SERINC4: variants seen among roughly 807,000 people sequenced by gnomAD.
The protein encoded by SERINC4 is serine incorporator 4.
Under a neutral mutation model 52.0 loss-of-function variants are expected in SERINC4, and 52 were observed. The observed-to-expected ratio is 1.00, with a 90% CI of 0.80 to 1.26. The LOEUF is 1.26. Ranked by LOEUF, SERINC4 falls within the 50% of genes most tolerant of loss-of-function variation. The pLI is 0.00. For synonymous variants in SERINC4, 264 were observed against 247.7 expected, an observed-to-expected ratio of 1.07 and a Z score of -0.62; for missense variants, 723 against 632.8, an observed-to-expected ratio of 1.14 and a Z score of -1.53.
In SERINC4 at chr15:43,796,622, A is replaced by G; in HGVS notation, c.1061T>C (p.Phe354Ser). ...SASIMYACVLFACNEASYLAE... is the reference protein window; with the variant it reads ...SASIMYACVLSACNEASYLAE... ...CCTTGACACCTTTACGCACCAAGCA[A>G]AAAGCACACAAGCATACATGATGCT... The change falls in exon 8 of 12, where the codon TTT (phenylalanine) becomes TCT (serine). Residue 354 changes from phenylalanine (F) to serine (S), a missense_variant. Phe to Ser is a radical substitution (Grantham distance 155, BLOSUM62 -2). Transcript: ENST00000319327. 2.5e-6 allele frequency: 4 copies of G among 1,614,048 alleles called. No homozygotes were observed. In the Middle Eastern group the frequency reaches 5.0e-4, roughly 200 times the overall value.
chr15:43,796,669 G>T lies in SERINC4; in HGVS notation c.1014C>A (p.Ile338=). Residue 338 remains isoleucine (I), a synonymous_variant, in exon 8 of 12, where the codon ATC becomes ATA. Transcript: ENST00000319327. ...TGCTAGCACTCAGCATTGCTAGAGA[G>T]ATATCTGGTGTTTGGGGTTCCATTT... ...LSKMEPQTPD[I]SLAMLSASIM... is the part of the protein sequence containing the mutation. 1 of 1,614,166 alleles carries T rather than the reference G, an allele frequency of 6.2e-7. No individual in the cohort carries two copies. Among genetic ancestry groups the T allele is most frequent in the Non-Finnish European group, 8.5e-7 (1 of 1,180,008 alleles).
At chr15:43,795,612 T>C in intron 10 of SERINC4, 71 bp from the exon 11 acceptor site, 2 of 1,611,096 alleles carry the variant, frequency 1.2e-6, no homozygotes, top group South Asian at 1.1e-5. Context: ...CAACTACCTT[T>C]GTTAAGGCTC....
chr15:43,799,165 G>T, intron 2 of SERINC4, 28 bp from the exon 3 acceptor site: 1 of 1,541,222 alleles, frequency 6.5e-7, no homozygotes, highest in Non-Finnish European at 8.8e-7. Context: ...AGAAATGGCA[G>T]GACAAGTCAT....
At chr15:43,798,645 A>G in intron 3 of SERINC4, 141 bp from the exon 4 acceptor site, 1 of 684,880 alleles carries the variant, frequency 1.5e-6, no homozygotes, top group Non-Finnish European at 2.6e-6. Context: ...CCAATCCCAA[A>G]TGAGAGGGGG....
At position 43,794,892 on chromosome 15, in the gene SERINC4, G is replaced by A. The variant is rs1056857418; in HGVS notation, c.*108C>T. On this transcript the variant is annotated 3_prime_UTR_variant, in exon 12 of 12. Transcript: ENST00000319327. The stretch of plus-strand genomic sequence containing the variant: ...TCATAGTATTGACTTCAGCCCAAAC[G>A]GAGATAACTCCCTGTGTGTCCTTGA... The A allele has an allele frequency of 2.5e-5, 21 of 831,356 alleles. No individual in the cohort carries two copies. The highest frequency in any genetic ancestry group is 2.4e-5 in the East Asian group (1 of 41,148). The allele number at this position is 831,356 out of a possible 1,614,324, so 51.5% of individuals were successfully genotyped here.
intron 3 of SERINC4, 71 bp downstream of exon 3, chr15:43,798,888 A>G (rs1189241077): frequency 2.1e-6 from 3 of 1,459,224 alleles, no homozygotes; most frequent in South Asian, 1.2e-5. Context: ...TTCATCCCGG[A>G]ATTTCCTTTA....
In SERINC4 at chr15:43,794,928, T is replaced by C; in HGVS notation, c.*72A>G. 1 of 1,194,472 alleles carries C rather than the reference T, an allele frequency of 8.4e-7. No homozygotes were observed. Among genetic ancestry groups the C allele is most frequent in the Non-Finnish European group, 1.2e-6 (1 of 840,750 alleles). The allele number at this position is 1,194,472 out of a possible 1,614,324, so 74.0% of individuals were successfully genotyped here. ...CCTGTGTGTCCTTGAGGTATTGAGC[T>C]GGGCTGGACAGCTCCCCTTGAGCCA... On this transcript the variant is annotated 3_prime_UTR_variant, in exon 12 of 12. Transcript: ENST00000319327.
At position 43,799,443 on chromosome 15, in the gene SERINC4, G is replaced by T. The variant is rs538733011; in HGVS notation, c.146C>A (p.Ser49Tyr). ...GGATGCGGTGAGAGAGGGCCACCTA[G>T]AGTGGCAGCAGCTGGCACAAGGAGC... ...GPAPCASCCH[S>Y]RWPSLTASTC... The change falls in exon 2 of 12, where the codon TCT becomes TAT. Residue 49 changes from serine to tyrosine, a missense_variant. Physicochemically the swap from Ser to Tyr is moderately radical, Grantham distance 144. Transcript: ENST00000319327. 26 of 1,550,630 alleles carry T rather than the reference G, an allele frequency of 1.7e-5. No homozygotes were observed. In the African/African-American group the frequency reaches 3.3e-4, roughly 20 times the overall value.
chr15:43,797,513 C>G, intron 5 of SERINC4, 157 bp from the exon 6 acceptor site: 1 of 606,562 alleles, frequency 1.6e-6, no homozygotes, highest in Non-Finnish European at 2.9e-6. Context: ...CTACCTCAGC[C>G]TCCTGAGTAG....
In SERINC4 at chr15:43,797,166, T is replaced by C. The variant is rs1221316929; in HGVS notation, c.823A>G (p.Ile275Val). Residue 275 changes from isoleucine (I) to valine (V), a missense_variant, in exon 6 of 12, where the codon ATC (isoleucine) becomes GTC (valine). By Grantham distance (29) the Ile-to-Val change is conservative. Transcript: ENST00000319327. ...CFCGLISFLS[I>V]APCIRLKQPR... is the part of the protein sequence containing the mutation. ...CCACTGAGGCGGATGCAAGGAGCGA[T>C]GGAGAGGAAGGAGATGAGGCCACAG... 62 of 1,551,046 alleles carry C rather than the reference T, an allele frequency of 4.0e-5. No individual in the cohort carries two copies. Among genetic ancestry groups the C allele is most frequent in the Non-Finnish European group, 5.2e-5 (60 of 1,147,042 alleles).
intron 4 of SERINC4, 54 bp from the exon 5 acceptor site, chr15:43,798,067 T>G: frequency 1.6e-6 from 2 of 1,215,328 alleles, no homozygotes; most frequent in South Asian, 2.5e-5. Flanking sequence ...TTTTTTTTTT[T>G]GAGACAGAGT....
chr15:43,794,991 G>A lies in SERINC4; in HGVS notation c.*9C>T, dbSNP rs2087169575. On this transcript the variant is annotated 3_prime_UTR_variant, in exon 12 of 12. Transcript: ENST00000319327. ...CAATGTCAGGGGAACCCCAGTTTGT[G>A]AAAAGGACTTAGACTGGAGGATATT... 6.2e-7 allele frequency: 1 copy of A among 1,600,144 alleles called. No homozygotes were observed. The highest frequency in any genetic ancestry group is 1.1e-5 in the South Asian group (1 of 90,424).
At chr15:43,796,338 G>A (rs1325482312) in intron 8 of SERINC4, 111 bp from the exon 9 acceptor site, 1 of 835,744 alleles carries the variant, frequency 1.2e-6, no homozygotes, top group African/African-American at 1.7e-5. Context: ...CATACTCCCT[G>A]TGCCCTTTTC....
chr15:43,797,321 A>G lies in SERINC4; in HGVS notation c.668T>C (p.Leu223Pro), dbSNP rs750698310. The change falls in exon 6 of 12, where the codon CTG becomes CCG. Residue 223 changes from leucine (L) to proline (P), a missense_variant. Transcript: ENST00000319327. ...TGAAQDCSWF[L>P]AVLLATLGFY... ...TCCTAGGGTGGCCAGCAGGACAGCC[A>G]GGAACCAGCTACAGTCTTGAGCTGC... 16 of 1,549,054 alleles carry G rather than the reference A, an allele frequency of 1.0e-5. No individual in the cohort carries two copies. In the South Asian group the frequency reaches 1.5e-4, roughly 15 times the overall value.
chr15:43,795,302 C>A, intron 11 of SERINC4, 86 bp downstream of exon 11: 1 of 1,590,384 alleles, frequency 6.3e-7, no homozygotes, highest in African/African-American at 1.3e-5. Flanking sequence ...ATGGCAGACC[C>A]ATGTGTGTCT....
At chr15:43,796,110 G>T (rs2087209766) in intron 9 of SERINC4, 45 bp downstream of exon 9, 1 of 1,365,798 alleles carries the variant, frequency 7.3e-7, no homozygotes, top group Non-Finnish European at 1.0e-6. Context: ...GTGTCTTTGT[G>T]TGGGGGAGGG....
chr15:43,795,108 C>T lies in SERINC4; in HGVS notation c.1449G>A (p.Leu483=), dbSNP rs146664766. ...GGGGCCAACAGAGTGGTGCCAGTAA[C>T]AGCCCCAGATAGAGGAGTACGCAGG... ...CWACVLLYLG[L]LLAPLCWPPT... is the part of the protein sequence containing the mutation. Residue 483 remains leucine (L), a synonymous_variant, in exon 12 of 12, where the codon CTG becomes CTA. Coordinates refer to ENST00000319327, the MANE Select transcript of SERINC4 (RefSeq NM_001258031.2). 4.0e-5 allele frequency: 64 copies of T among 1,613,916 alleles called. No homozygotes were observed. In the Admixed American group the frequency reaches 4.7e-4, roughly 12 times the overall value.
At position 43,797,321 on chromosome 15, in the gene SERINC4, A is replaced by T; in HGVS notation, c.668T>A (p.Leu223Gln). ...TCCTAGGGTGGCCAGCAGGACAGCC[A>T]GGAACCAGCTACAGTCTTGAGCTGC... ...TGAAQDCSWF[L>Q]AVLLATLGFY... is the part of the protein sequence containing the mutation. Residue 223 changes from leucine to glutamine, a missense_variant, in exon 6 of 12, where the codon CTG (leucine) becomes CAG (glutamine). Transcript: ENST00000319327. The T allele has an allele frequency of 6.5e-7, 1 of 1,549,054 alleles. No homozygotes were observed.
In SERINC4 at chr15:43,798,418, A is replaced by G. The variant is rs376922204; in HGVS notation, c.538+7T>C. The G allele has an allele frequency of 2.5e-6, 4 of 1,602,510 alleles. No individual in the cohort carries two copies. The highest frequency in any genetic ancestry group is 3.4e-6 in the Non-Finnish European group (4 of 1,169,500). On this transcript the variant is annotated splice_region_variant and intron_variant, in intron 4 of 11. Transcript: ENST00000319327. ...TACTCCTGCCAAGAGTGTGGGAGGG[A>G]GAGTACCTGGGAAGAGATGCTCATC...
Sources: allele counts gnomAD v4.1 joint callset, GRCh38; gene constraint gnomAD v4.1.1; transcripts MANE v1.5; gene names NCBI Gene and HGNC (gene_info 2026-07-23, HGNC 2026-07-21).